FZR1: variants seen among roughly 807,000 people sequenced by gnomAD.
FZR1 encodes the protein fizzy and cell division cycle 20 related 1, also known as fizzy-related protein homolog.
FZR1 carries 11 observed loss-of-function variants against 63.6 expected under a neutral mutation model. The observed-to-expected ratio is 0.17, with a 90% CI of 0.11 to 0.29. The LOEUF (loss-of-function observed/expected upper bound fraction) is 0.29. FZR1 is among the 10% of genes least tolerant of loss of function. The pLI, the probability that FZR1 is intolerant of heterozygous loss-of-function variation, is 1.00. For missense variants in FZR1, 440 were observed against 687.5 expected, an observed-to-expected ratio of 0.64 and a Z score of 4.03; for synonymous variants, 328 against 297.9, an observed-to-expected ratio of 1.10 and a Z score of -1.04.
intron 6 of FZR1, 34 bp from the exon 7 acceptor site, chr19:3,527,597 G>A (rs752548575): frequency 4.1e-5 from 65 of 1,570,230 alleles, no homozygotes; most frequent in African/African-American, 6.7e-5. Flanking sequence ...CCCAAGTGCC[G>A]TGGCTCACGG....
At chr19:3,527,890 T>A (rs2083176938) in intron 7 of FZR1, 76 bp downstream of exon 7, 5 of 1,213,078 alleles carry the variant, frequency 4.1e-6, no homozygotes. Flanking sequence ...CCCACCGGGA[T>A]CCAGGGAGCA....
At position 3,514,915 on chromosome 19, in the gene FZR1, C is replaced by T. The variant is rs756920399; in HGVS notation, c.-34-8041C>T. Among the ~76,000 whole-genome samples, 16 of 152,188 alleles carry T rather than the reference C, an allele frequency of 1.1e-4. No individual in the cohort carries two copies. The highest frequency in any genetic ancestry group is 1.8e-4 in the Non-Finnish European group (12 of 68,012). ...GCCCGGGGCAGTGGCAGAAGGAGGCCTCCTGGCTCTTCATTCTGGGGCCCA... is the reference window on the plus strand; with the variant it reads ...GCCCGGGGCAGTGGCAGAAGGAGGCTTCCTGGCTCTTCATTCTGGGGCCCA... On this transcript the variant is annotated intron_variant, in intron 1 of 13. Transcript: ENST00000441788. The surrounding 1 kb of genome is among the most constrained non-coding windows in gnomAD (Gnocchi z 4.2).
intron 1 of FZR1, 65 bp from the exon 2 acceptor site, chr19:3,522,891 C>T (rs539598183): frequency 8.4e-5 from 70 of 830,676 alleles, no homozygotes; most frequent in African/African-American, 6.3e-4. Context: ...GAGGTGCAGG[C>T]GAGCCCCGTG....
chr19:3,526,227 T>C lies in FZR1; in HGVS notation c.260-32T>C, dbSNP rs764161476. 2 of 1,611,480 alleles carry C rather than the reference T, an allele frequency of 1.2e-6. No individual in the cohort carries two copies. The highest frequency in any genetic ancestry group is 1.7e-5 in the Admixed American group (1 of 59,952). ...CCGCCCTGCAGGCCCCCACCCTGCC[T>C]TGCCCCGCCTCACTGTGCTTGGTGC... On this transcript the variant is annotated intron_variant, in intron 4 of 13. Coordinates refer to ENST00000441788, the MANE Select transcript of FZR1 (RefSeq NM_016263.4). This position sits in a 1 kb window ranked among gnomAD's most constrained non-coding sequence, Gnocchi z 5.4.
At chr19:3,513,730 C>T (rs1208062442) in intron 1 of FZR1, among the ~76,000 whole-genome samples, 1 of 152,150 alleles carries the variant, frequency 6.6e-6, no homozygotes, top group Non-Finnish European at 1.5e-5. Context: ...GTTCCCTCCT[C>T]CCTTACCTGC....
chr19:3,530,881 C>T (rs1414283165), intron 8 of FZR1, 24 bp downstream of exon 8: 2 of 1,588,268 alleles, frequency 1.3e-6, no homozygotes, highest in Middle Eastern at 1.7e-4. Context: ...GCTTGGCCCC[C>T]ACCTGGGAGA....
At chr19:3,523,406 G>A (rs923061439) in intron 2 of FZR1, among the ~76,000 whole-genome samples, 3 of 152,176 alleles carry the variant, frequency 2.0e-5, no homozygotes, top group African/African-American at 4.8e-5. Flanking sequence ...GTGGGATTTG[G>A]GGGGCCCTGG....
chr19:3,511,003 C>T (rs897012412), intron 1 of FZR1, among the ~76,000 whole-genome samples: 9 of 152,238 alleles, frequency 5.9e-5, no homozygotes, highest in Admixed American at 3.3e-4. Context: ...GCCTGGGACC[C>T]GTGGGTGGGA....
Position 3,509,963 on chromosome 19 carries a change from C to T in FZR1, c.-35+3489C>T, listed in dbSNP as rs562754140. Among the ~76,000 whole-genome samples, 8 of 152,140 alleles carry T rather than the reference C, an allele frequency of 5.3e-5. No homozygotes were observed. The South Asian group carries it at 1.5e-3, about 28-fold the overall frequency. ...CGTCCTTGTTGCTCTGTGACTGAGG[C>T]GCTGGTGCCTCCACTCGCCGGCTGA... On this transcript the variant is annotated intron_variant, in intron 1 of 13. Coordinates refer to ENST00000441788, the MANE Select transcript of FZR1 (RefSeq NM_016263.4).
chr19:3,530,423 CATGGGAGAGCGG>C (rs1211564477), intron 7 of FZR1, among the ~76,000 whole-genome samples: 2,405 of 43,214 alleles, frequency 0.056, 280 homozygotes, highest in African/African-American at 0.13. Flanking sequence ...TGGGAGAGCG[CATGGGAGAGCGG>C]ATGGGAGAGC....
intron 1 of FZR1, among the ~76,000 whole-genome samples, chr19:3,508,200 CTTTTTTTTT>C (rs71166908): frequency 1.1e-5 from 1 of 91,116 alleles, no homozygotes; most frequent in African/African-American, 4.7e-5. Flanking sequence ...CATTGATTTT[CTTTTTTTTT>C]TTTTTTTTTT....
In FZR1 at chr19:3,533,011, A is replaced by G. The variant is rs559644719; in HGVS notation, c.1243-283A>G. On this transcript the variant is annotated intron_variant, in intron 11 of 13. Coordinates refer to ENST00000441788, the MANE Select transcript of FZR1 (RefSeq NM_016263.4). This position sits in a 1 kb window ranked among gnomAD's most constrained non-coding sequence, Gnocchi z 4.9. ...GCCACTCCGGGCGTGTCACCAGGAC[A>G]GTCTCGGGGGTGACTTGCAGGTGGG... 6.3e-4 allele frequency among the ~76,000 whole-genome samples: 96 copies of G among 151,514 alleles called. No individual in the cohort carries two copies. The highest frequency in any genetic ancestry group is 2.2e-3 in the African/African-American group (91 of 41,264).
intron 1 of FZR1, among the ~76,000 whole-genome samples, chr19:3,513,165 G>C (rs1599772626): frequency 1.3e-5 from 2 of 152,090 alleles, no homozygotes; most frequent in Non-Finnish European, 2.9e-5. Flanking sequence ...GTTGGGACCT[G>C]TGAGGGCTGT....
chr19:3,528,754 G>A (rs2083191064), intron 7 of FZR1, among the ~76,000 whole-genome samples: 1 of 122,338 alleles, frequency 8.2e-6, no homozygotes, highest in Non-Finnish European at 1.7e-5. Context: ...AGAGTGGGTG[G>A]GTGTGTGGAT....
Position 3,535,122 on chromosome 19 carries a change from G to A in FZR1, c.*286G>A, listed in dbSNP as rs2029891868. On this transcript the variant is annotated 3_prime_UTR_variant, in exon 14 of 14. Transcript: ENST00000441788. ...TGGACGGTCCCGGCTCAGACCGTCT[G>A]TACTCAGAGCGACGGATGCCCCCTG... 1 of 499,432 alleles carries A rather than the reference G, an allele frequency of 2.0e-6. No individual in the cohort carries two copies. Among genetic ancestry groups the A allele is most frequent in the Admixed American group, 3.3e-5 (1 of 30,228 alleles). 30.9% of individuals were successfully genotyped at this position (499,432 alleles called of 1,614,324 possible). A position where few individuals can be genotyped will look rare whatever the true frequency, so the allele number is the denominator to read the frequency against.
chr19:3,512,710 C>T (rs2083032359), intron 1 of FZR1, among the ~76,000 whole-genome samples: 1 of 152,148 alleles, frequency 6.6e-6, no homozygotes, highest in South Asian at 2.1e-4. Flanking sequence ...GCCATCTATG[C>T]AGCTGGCACG....
intron 7 of FZR1, among the ~76,000 whole-genome samples, chr19:3,528,929 TATGGGAGTGG>T (rs539895698): frequency 0.01 from 1,424 of 140,806 alleles, 41 homozygotes; most frequent in Admixed American, 0.047. Flanking sequence ...TGGGAGAGTG[TATGGGAGTGG>T]ATGGGAGAGC....
At chr19:3,519,251 A>C (rs912708737) in intron 1 of FZR1, among the ~76,000 whole-genome samples, 1 of 152,222 alleles carries the variant, frequency 6.6e-6, no homozygotes, top group African/African-American at 2.4e-5. Flanking sequence ...CTGCCCTGCA[A>C]GGTGGCCTAG....
Position 3,525,959 on chromosome 19 carries a change from G to T in FZR1, c.161G>T (p.Gly54Val). 6.2e-7 allele frequency: 1 copy of T among 1,612,316 alleles called. No homozygotes were observed. Residue 54 changes from glycine (G) to valine (V), a missense_variant, in exon 3 of 14, where the codon GGA becomes GTA. This residue lies in a region of FZR1 where 200 missense variants were observed against 245.1 expected (regional missense o/e 0.82). Coordinates refer to ENST00000441788, the MANE Select transcript of FZR1 (RefSeq NM_016263.4). This position sits in a 1 kb window ranked among gnomAD's most constrained non-coding sequence, Gnocchi z 4.2. ...GACCGCTTCATCCCCTCCAGAGCCG[G>T]AGCCAACTGGAGCGTGAACTTCCAC... ...HGDRFIPSRA[G>V]ANWSVNFHRI...
Sources: allele counts gnomAD v4.1 joint callset (sites outside exome capture counted in the v4.1 genomes callset), GRCh38; gene constraint gnomAD v4.1.1; regional missense constraint gnomAD v4.1.1; non-coding constraint Gnocchi (gnomAD v3.1); transcripts MANE v1.5; gene names NCBI Gene and HGNC (gene_info 2026-07-23, HGNC 2026-07-21).